The following PCDHA3 variants were observed in gnomAD, a reference collection of about 807,000 sequenced individuals.
The protein encoded by PCDHA3 is protocadherin alpha-3.
Under a neutral mutation model 62.2 loss-of-function variants are expected in PCDHA3, and 41 were observed. The ratio of observed to expected loss-of-function variants is 0.66; its 90% CI spans 0.51 to 0.86. The LOEUF (loss-of-function observed/expected upper bound fraction) is 0.86, where lower values mean the gene tolerates loss of function less well. PCDHA3 is among the 40% of genes least tolerant of loss of function. The pLI is 0.00. For missense variants in PCDHA3, 1,304 were observed against 1,241.2 expected (o/e 1.05, Z -0.76); for synonymous variants, 640 against 555.4 (o/e 1.15, Z -2.14).
At chr5:140,911,257 A>G (rs1423375928) in intron 1 of PCDHA3, among the ~76,000 whole-genome samples, 1 of 152,156 alleles carries the variant, frequency 6.6e-6, no homozygotes, top group African/African-American at 2.4e-5. Context: ...ATCAGAATTT[A>G]TAATCTCAGT....
At chr5:140,900,130 C>T (rs1156261230) in intron 1 of PCDHA3, among the ~76,000 whole-genome samples, 1 of 152,084 alleles carries the variant, frequency 6.6e-6, no homozygotes, top group East Asian at 1.9e-4. Flanking sequence ...TTTTAGGTAC[C>T]ACAAATAAGT....
intron 1 of PCDHA3, among the ~76,000 whole-genome samples, chr5:140,959,860 A>G (rs1554224378): frequency 6.6e-6 from 1 of 152,230 alleles, no homozygotes; most frequent in East Asian, 1.9e-4. Context: ...GGAATTATGT[A>G]GCAAAATCTG....
At chr5:140,951,723 A>G (rs1364455679) in intron 1 of PCDHA3, among the ~76,000 whole-genome samples, 3 of 152,104 alleles carry the variant, frequency 2.0e-5, no homozygotes, top group Non-Finnish European at 4.4e-5. Flanking sequence ...GATCCAAACC[A>G]TGTCATTCTG....
chr5:141,006,937 A>G (rs1341234151), intron 3 of PCDHA3, among the ~76,000 whole-genome samples: 1 of 152,206 alleles, frequency 6.6e-6, no homozygotes, highest in Non-Finnish European at 1.5e-5. Context: ...AACTGGGGAT[A>G]CCAGATAGGC....
intron 1 of PCDHA3, chr5:140,850,349 G>T (rs1554144220): frequency 1.9e-6 from 3 of 1,597,844 alleles, no homozygotes; most frequent in Non-Finnish European, 2.6e-6. Flanking sequence ...CGGCCAGCGC[G>T]AGCATCCCGT....
chr5:140,848,892 T>C, intron 1 of PCDHA3: 1 of 1,601,494 alleles, frequency 6.2e-7, no homozygotes, highest in East Asian at 2.2e-5. Context: ...CCCTCCAGTG[T>C]TCCCAGCGAC....
intron 3 of PCDHA3, among the ~76,000 whole-genome samples, chr5:141,009,142 G>T (rs1374390797): frequency 2.0e-5 from 3 of 152,204 alleles, no homozygotes; most frequent in Non-Finnish European, 4.4e-5. Context: ...GAAAAAACCT[G>T]CCCTCTTGCT....
chr5:140,967,529 C>A, intron 1 of PCDHA3: 1 of 1,613,244 alleles, frequency 6.2e-7, no homozygotes, highest in South Asian at 1.1e-5. Context: ...CGACAACTCT[C>A]CTGCCTTTGA....
At chr5:140,829,863 T>C in intron 1 of PCDHA3, 3 of 1,613,908 alleles carry the variant, frequency 1.9e-6, no homozygotes, top group Non-Finnish European at 2.5e-6. Flanking sequence ...GGCCAAGTGG[T>C]GGCGAAGGTG....
intron 1 of PCDHA3, among the ~76,000 whole-genome samples, chr5:140,925,082 AAAGG>A (rs138596875): frequency 0.022 from 3,184 of 147,344 alleles, 79 homozygotes; most frequent in African/African-American, 0.064. Flanking sequence ...GCTCATCTGG[AAAGG>A]AAGGAAGGAA....
chr5:140,858,282 G>A (rs782040852), intron 1 of PCDHA3: 1 of 1,597,598 alleles, frequency 6.3e-7, no homozygotes, highest in Admixed American at 1.7e-5. Context: ...GCGGTGGGGA[G>A]CTGGTCTTAC....
chr5:140,980,522 A>G (rs1341350940), intron 2 of PCDHA3, among the ~76,000 whole-genome samples: 2 of 152,074 alleles, frequency 1.3e-5, no homozygotes, highest in Non-Finnish European at 2.9e-5. Flanking sequence ...TCCAGCTACT[A>G]GGGAGGCTGA....
At chr5:140,833,623 C>T (rs2150209911) in intron 1 of PCDHA3, among the ~76,000 whole-genome samples, 3 of 152,064 alleles carry the variant, frequency 2.0e-5, no homozygotes, top group Non-Finnish European at 4.4e-5. Context: ...ATTCAGAATA[C>T]TTCCTCCTCA....
At chr5:140,883,331 T>C (rs782330597) in intron 1 of PCDHA3, 1 of 1,614,064 alleles carries the variant, frequency 6.2e-7, no homozygotes, top group East Asian at 2.2e-5. Flanking sequence ...CATCACTTCT[T>C]TGTCACTCCC....
At chr5:140,926,129 G>C (rs2082926412) in intron 1 of PCDHA3, among the ~76,000 whole-genome samples, 1 of 152,178 alleles carries the variant, frequency 6.6e-6, no homozygotes, top group African/African-American at 2.4e-5. Flanking sequence ...ACTTCAACCC[G>C]CAGCAGGATC....
intron 1 of PCDHA3, chr5:140,871,299 G>A (rs782459625): frequency 1.9e-6 from 3 of 1,613,916 alleles, no homozygotes; most frequent in South Asian, 1.1e-5. Context: ...GCGCGTGCGC[G>A]CCGGGGAAGC....
At chr5:140,848,855 C>T (rs2150422696) in intron 1 of PCDHA3, 6 of 1,590,444 alleles carry the variant, frequency 3.8e-6, no homozygotes, top group Non-Finnish European at 5.2e-6. Context: ...TCCATGTGGA[C>T]GTGGAGGTGA....
At chr5:140,836,729 T>C in intron 1 of PCDHA3, 2 of 1,610,386 alleles carry the variant, frequency 1.2e-6, no homozygotes, top group Non-Finnish European at 1.7e-6. Context: ...GTCCATCCTC[T>C]ACAGACAATG....
rs550197512 is a variant in PCDHA3, at chr5:140,883,885, C to G, written c.2394+80294C>G. On this transcript the variant is annotated intron_variant, in intron 1 of 3. Coordinates refer to ENST00000522353, the MANE Select transcript of PCDHA3 (RefSeq NM_018906.3). ...TGCAGTTCCAGGTGAGCGCGCGCGA[C>G]TCTGGCGTGCCGCCTCTGGGCAGCA... The G allele has an allele frequency of 6.1e-5, 99 of 1,613,382 alleles. No homozygotes were observed. Among genetic ancestry groups the G allele is most frequent in the East Asian group, 1.6e-4 (7 of 44,866 alleles).
Sources: allele counts gnomAD v4.1 joint callset (sites outside exome capture counted in the v4.1 genomes callset), GRCh38; gene constraint gnomAD v4.1.1; transcripts MANE v1.5; gene names NCBI Gene and HGNC (gene_info 2026-07-23, HGNC 2026-07-21).